The following SOHLH2 variants were observed in gnomAD, a reference collection of about 807,000 sequenced individuals.
The protein encoded by SOHLH2 is spermatogenesis- and oogenesis-specific basic helix-loop-helix-containing protein 2.
Under a neutral mutation model 50.4 loss-of-function variants are expected in SOHLH2, and 22 were observed. The observed-to-expected ratio is 0.44, with a 90% CI of 0.31 to 0.62. The LOEUF (loss-of-function observed/expected upper bound fraction) is 0.62. SOHLH2 is among the 20% of genes least tolerant of loss of function. SOHLH2 has a pLI of 0.08. For missense variants in SOHLH2, 412 were observed against 504.4 expected, an observed-to-expected ratio of 0.82 and a Z score of 1.76; for synonymous variants, 185 against 187.3, an observed-to-expected ratio of 0.99 and a Z score of 0.10.
At chr13:36,194,209 A>G (rs1368298284) in intron 2 of SOHLH2, among the ~76,000 whole-genome samples, 3 of 152,026 alleles carry the variant, frequency 2.0e-5, no homozygotes. Flanking sequence ...TGTAAGACAA[A>G]TGACTCCTTT....
intron 6 of SOHLH2, among the ~76,000 whole-genome samples, chr13:36,180,628 A>T (rs1887227584): frequency 1.4e-5 from 2 of 143,680 alleles, no homozygotes; most frequent in Admixed American, 7.1e-5. Context: ...TGTTTTACCC[A>T]TGGATTACTT....
rs1593957404 is a variant in SOHLH2 at position 36,201,932 on chromosome 13, C to T, written c.210G>A (p.Leu70=). 2 of 1,614,220 alleles carry T rather than the reference C, an allele frequency of 1.2e-6. No individual in the cohort carries two copies. The highest frequency in any genetic ancestry group is 1.3e-5 in the African/African-American group (1 of 75,068). ...LDDCIFNMVL[L]KVPSSLSAEE... is the part of the protein sequence containing the mutation. ...CGGCACTTAGTGAAGAAGGCACCTT[C>T]AAGAGAACCATGTTGAATATGCAAT... The change falls in exon 2 of 11, where the codon TTG becomes TTA. Residue 70 remains leucine (L), a synonymous_variant. Coordinates refer to ENST00000379881, the MANE Select transcript of SOHLH2 (RefSeq NM_017826.3).
In SOHLH2 at chr13:36,190,027, A is replaced by T; in HGVS notation, c.560T>A (p.Leu187His). 6.2e-7 allele frequency: 1 copy of T among 1,608,064 alleles called. No homozygotes were observed. The highest frequency in any genetic ancestry group is 1.1e-5 in the South Asian group (1 of 90,024). Residue 187 changes from leucine (L) to histidine (H), a missense_variant, in exon 6 of 11, where the codon CTT (leucine) becomes CAT (histidine). Leu to His is a moderately conservative substitution (Grantham distance 99). Transcript: ENST00000379881. ...CTCTGACAACGAAGCATTTAATTCA[A>T]GCCCATTGCCATTCCTTAAAGATTC... ...CSESLRNGNG[L>H]ELNASLSEFE... is the part of the protein sequence containing the mutation.
In SOHLH2 at chr13:36,174,713, G is replaced by A. The variant is rs1887055734; in HGVS notation, c.789+9C>T. 3 of 1,595,576 alleles carry A rather than the reference G, an allele frequency of 1.9e-6. No individual in the cohort carries two copies. Among genetic ancestry groups the A allele is most frequent in the Non-Finnish European group, 2.6e-6 (3 of 1,173,916 alleles). ...AAGGATAAAATTCAAAGCTTTGGGA[G>A]TCAAATACCTGGGCCATAACGGCTG... On this transcript the variant is annotated intron_variant, in intron 7 of 10. Transcript: ENST00000379881.
At chr13:36,201,844 T>C in intron 2 of SOHLH2, 35 bp downstream of exon 2, 1 of 1,605,640 alleles carries the variant, frequency 6.2e-7, no homozygotes, top group Non-Finnish European at 8.5e-7. Context: ...AAAAAATGAT[T>C]CTAAAGATAC....
chr13:36,168,863 C>T lies in SOHLH2; in HGVS notation c.*171G>A. 1 of 1,168,128 alleles carries T rather than the reference C, an allele frequency of 8.6e-7. No homozygotes were observed. Among genetic ancestry groups the T allele is most frequent in the South Asian group, 2.3e-5 (1 of 44,080 alleles). 72.4% of individuals were successfully genotyped at this position (1,168,128 alleles called of 1,614,324 possible). A position where few individuals can be genotyped will look rare whatever the true frequency, so the allele number is the denominator to read the frequency against. On this transcript the variant is annotated 3_prime_UTR_variant, in exon 11 of 11. Transcript: ENST00000379881. Reference sequence around the variant, plus strand: ...TGTGGCCAGCTTTTTCGCTGCTGGTCTTTCTATCTGCAGAAGCTTTGAGTG... The same window carrying T: ...TGTGGCCAGCTTTTTCGCTGCTGGTTTTTCTATCTGCAGAAGCTTTGAGTG...
At chr13:36,181,499 A>G (rs7332932) in intron 6 of SOHLH2, among the ~76,000 whole-genome samples, 60,743 of 151,828 alleles carry the variant, frequency 0.4, 12,313 homozygotes, top group South Asian at 0.42. Context: ...CTATCTCTTT[A>G]GGGTTGCTCT....
chr13:36,195,845 G>A (rs1228394506), intron 2 of SOHLH2, among the ~76,000 whole-genome samples: 1 of 152,128 alleles, frequency 6.6e-6, no homozygotes, highest in African/African-American at 2.4e-5. Context: ...GGCTGAGAGA[G>A]AGGAAAGGAA....
intron 9 of SOHLH2, among the ~76,000 whole-genome samples, chr13:36,173,062 C>A (rs574502961): frequency 6.6e-6 from 1 of 152,110 alleles, no homozygotes; most frequent in East Asian, 1.9e-4. Context: ...TGCCTCCCAG[C>A]GGGAAAGCAT....
intron 6 of SOHLH2, among the ~76,000 whole-genome samples, chr13:36,187,146 A>G (rs1217213783): frequency 1.3e-5 from 2 of 152,210 alleles, no homozygotes; most frequent in Non-Finnish European, 2.9e-5. Flanking sequence ...CACAGATGTG[A>G]ACAACCCCAA....
intron 6 of SOHLH2, among the ~76,000 whole-genome samples, chr13:36,177,931 C>G (rs1389869995): frequency 6.6e-6 from 1 of 151,242 alleles, no homozygotes; most frequent in Non-Finnish European, 1.5e-5. Flanking sequence ...AATTTATTTA[C>G]TCTCTCTCTC....
chr13:36,202,123 T>C (rs1566045400), intron 1 of SOHLH2, 30 bp from the exon 2 acceptor site: 2 of 1,611,754 alleles, frequency 1.2e-6, no homozygotes, highest in South Asian at 2.2e-5. Context: ...AGGCGTCACA[T>C]AATTATTGCC....
At chr13:36,171,718 T>C (rs1886965443) in intron 9 of SOHLH2, among the ~76,000 whole-genome samples, 1 of 152,094 alleles carries the variant, frequency 6.6e-6, no homozygotes, top group South Asian at 2.1e-4. Context: ...TCATATGATG[T>C]AAAAAATCAC....
intron 1 of SOHLH2, 110 bp from the exon 2 acceptor site, chr13:36,202,203 C>T (rs1868464506): frequency 7.5e-7 from 1 of 1,341,882 alleles, no homozygotes; most frequent in African/African-American, 1.5e-5. Context: ...CAACAATTGA[C>T]TCCATATCTA....
At chr13:36,174,140 C>A (rs553798492) in intron 8 of SOHLH2, among the ~76,000 whole-genome samples, 1 of 152,272 alleles carries the variant, frequency 6.6e-6, no homozygotes, top group South Asian at 2.1e-4. Flanking sequence ...GGCCCGAGAC[C>A]TCTCCACAAT....
In SOHLH2 at chr13:36,202,014, A is replaced by T. The variant is rs986157895; in HGVS notation, c.128T>A (p.Ile43Lys). The change falls in exon 2 of 11, where the codon ATA becomes AAA. Residue 43 changes from isoleucine to lysine, a missense_variant. Coordinates refer to ENST00000379881, the MANE Select transcript of SOHLH2 (RefSeq NM_017826.3). ...ADTVQKLFAN[I>K]AEVTITISDT... Reference sequence around the variant, plus strand: ...ACTGATGGTGATGGTGACTTCTGCTATGTTTGCAAATAGTTTCTGTACAGT... The same window carrying T: ...ACTGATGGTGATGGTGACTTCTGCTTTGTTTGCAAATAGTTTCTGTACAGT... 1 of 1,614,198 alleles carries T rather than the reference A, an allele frequency of 6.2e-7. No individual in the cohort carries two copies. Among genetic ancestry groups the T allele is most frequent in the Non-Finnish European group, 8.5e-7 (1 of 1,180,036 alleles).
chr13:36,173,039 C>A (rs1352295941), intron 9 of SOHLH2, among the ~76,000 whole-genome samples: 1 of 152,132 alleles, frequency 6.6e-6, no homozygotes, highest in Non-Finnish European at 1.5e-5. Flanking sequence ...TTATACGGCA[C>A]ATATAACAAA....
At chr13:36,170,096 G>C (rs1021993355) in intron 10 of SOHLH2, among the ~76,000 whole-genome samples, 2 of 152,148 alleles carry the variant, frequency 1.3e-5, no homozygotes, top group Non-Finnish European at 2.9e-5. Flanking sequence ...AATCAGCCTG[G>C]CTGGTGACTG....
Position 36,206,333 on chromosome 13 carries a change from A to C in SOHLH2, c.49-4240T>G, listed in dbSNP as rs148830231. Among the ~76,000 whole-genome samples the C allele has an allele frequency of 3.1e-3, 473 of 152,116 alleles. 2 individuals are homozygous for C. Among genetic ancestry groups the C allele is most frequent in the African/African-American group, 0.011 (447 of 41,538 alleles). ...TTTCCTCCTAGTGGCATTTTGTTGT[A>C]CCCCACACATTTTTATATATAGTGA... On this transcript the variant is annotated intron_variant, in intron 1 of 10. Coordinates refer to ENST00000379881, the MANE Select transcript of SOHLH2 (RefSeq NM_017826.3).
Sources: gnomAD v4.1 joint callset for allele counts (sites outside exome capture counted in the v4.1 genomes callset) on GRCh38, gnomAD v4.1.1 for gene constraint, MANE v1.5 for transcripts, NCBI Gene and HGNC (gene_info 2026-07-23, HGNC 2026-07-21) for gene names.